The following CYP2J2 variants were observed in gnomAD, a reference collection of about 807,000 sequenced individuals.
CYP2J2 encodes cytochrome P450 2J2.
Under a neutral mutation model 48.8 loss-of-function variants are expected in CYP2J2, and 41 were observed. The ratio of observed to expected loss-of-function variants is 0.84; its 90% CI spans 0.66 to 1.09. CYP2J2 has a LOEUF of 1.09. Among genes scored for constraint, CYP2J2 ranks in the 50% least tolerant of loss-of-function variants. The pLI, the probability that CYP2J2 is intolerant of heterozygous loss-of-function variation, is 0.00. For synonymous variants in CYP2J2, 221 were observed against 227.1 expected (o/e 0.97, Z 0.24); for missense variants, 644 against 617.3 (o/e 1.04, Z -0.46).
the CYP2J2 span, among the ~76,000 whole-genome samples, chr1:59,947,871 C>A: frequency 6.6e-6 from 1 of 151,760 alleles, no homozygotes; most frequent in Non-Finnish European, 1.5e-5. Flanking sequence ...GCATCCCTTT[C>A]TACTGGAAGA....
intron 7 of CYP2J2, among the ~76,000 whole-genome samples, chr1:59,902,747 A>T (rs1383382440): frequency 6.6e-6 from 1 of 152,182 alleles, no homozygotes; most frequent in Non-Finnish European, 1.5e-5. Flanking sequence ...TTCTGTACTA[A>T]GTACTGGGTT....
the CYP2J2 span, among the ~76,000 whole-genome samples, chr1:59,968,380 C>T: frequency 1.3e-5 from 2 of 152,088 alleles, no homozygotes; most frequent in African/African-American, 4.8e-5. Flanking sequence ...AACAGCCCAC[C>T]ATTCCCCTCT....
the CYP2J2 span, among the ~76,000 whole-genome samples, chr1:59,955,902 G>A: frequency 3.3e-5 from 5 of 152,136 alleles, no homozygotes; most frequent in Non-Finnish European, 7.4e-5. Flanking sequence ...TCAAGTGTGT[G>A]TGTATGTGTG....
the CYP2J2 span, among the ~76,000 whole-genome samples, chr1:59,937,702 A>AT: frequency 6.6e-6 from 1 of 151,778 alleles, no homozygotes; most frequent in Non-Finnish European, 1.5e-5. Flanking sequence ...TAACTCTTAG[A>AT]TTTGCCCTTT....
intron 1 of CYP2J2, among the ~76,000 whole-genome samples, chr1:59,920,115 T>C (rs1644501127): frequency 6.6e-6 from 1 of 151,802 alleles, no homozygotes; most frequent in African/African-American, 2.4e-5. Context: ...AAAAATATCT[T>C]TTTAAAGAGT....
intron 1 of CYP2J2, among the ~76,000 whole-genome samples, chr1:59,918,574 C>T: frequency 6.6e-6 from 1 of 151,866 alleles, no homozygotes; most frequent in Non-Finnish European, 1.5e-5. Flanking sequence ...GTCATTTTAT[C>T]CATTTCTTTA....
intron 2 of CYP2J2, among the ~76,000 whole-genome samples, chr1:59,914,106 C>A (rs1644443369): frequency 6.6e-6 from 1 of 152,188 alleles, no homozygotes. Flanking sequence ...TTCTGCATCC[C>A]AGGACTGCAT....
chr1:59,894,189 A>G (rs1038423045), intron 8 of CYP2J2, among the ~76,000 whole-genome samples: 1 of 152,192 alleles, frequency 6.6e-6, no homozygotes, highest in African/African-American at 2.4e-5. Flanking sequence ...AAAAGACAAC[A>G]AAAACAACCA....
chr1:59,931,354 C>T (rs1574267139), upstream of CYP2J2, among the ~76,000 whole-genome samples: 2 of 152,194 alleles, frequency 1.3e-5, no homozygotes, highest in South Asian at 2.1e-4. Flanking sequence ...CCCATATTAT[C>T]ATTAGTTTTT....
At chr1:59,924,858 A>C in intron 1 of CYP2J2, among the ~76,000 whole-genome samples, 1 of 151,988 alleles carries the variant, frequency 6.6e-6, no homozygotes, top group Non-Finnish European at 1.5e-5. Flanking sequence ...ATTAAAAGAC[A>C]GAGATTGCCA....
intron 1 of CYP2J2, among the ~76,000 whole-genome samples, chr1:59,922,185 A>G (rs1644522748): frequency 6.6e-6 from 1 of 152,180 alleles, no homozygotes; most frequent in Non-Finnish European, 1.5e-5. Flanking sequence ...CAGATCCCAC[A>G]ATAGGTATAC....
At chr1:59,935,021 T>TATATATATATATATATATAC in the CYP2J2 span, among the ~76,000 whole-genome samples, 15 of 48,132 alleles carry the variant, frequency 3.1e-4, no homozygotes, top group Non-Finnish European at 5.7e-4. Flanking sequence ...TATACATATA[T>TATATATATATATATATATAC]ATATATATAT....
At chr1:59,902,940 C>T (rs543552684) in intron 7 of CYP2J2, among the ~76,000 whole-genome samples, 2 of 152,260 alleles carry the variant, frequency 1.3e-5, no homozygotes, top group Middle Eastern at 3.4e-3. Flanking sequence ...AGTCATAGCT[C>T]GTAGACTGTG....
Position 59,901,040 on chromosome 1 carries a change from C to A in CYP2J2, c.1255G>T (p.Asp419Tyr). The change falls in exon 8 of 9, where the codon GAC becomes TAC. Residue 419 changes from aspartate to tyrosine, a missense_variant. Asp to Tyr is a radical substitution (Grantham distance 160, BLOSUM62 -3). Coordinates refer to ENST00000371204, the MANE Select transcript of CYP2J2 (RefSeq NM_000775.4). ...AGAAAATGGTCCGGATTGAATGTGT[C>A]AGGGGTGGCCCACTCTGTGGGGTCC... ...HRDPTEWATPDTFNPDHFLEN... is the reference protein window; with the variant it reads ...HRDPTEWATPYTFNPDHFLEN... 1.2e-6 allele frequency: 2 copies of A among 1,614,162 alleles called. No individual in the cohort carries two copies. Among genetic ancestry groups the A allele is most frequent in the Non-Finnish European group, 1.7e-6 (2 of 1,179,998 alleles).
At chr1:59,919,316 G>A (rs563124609) in intron 1 of CYP2J2, among the ~76,000 whole-genome samples, 15 of 152,254 alleles carry the variant, frequency 9.9e-5, no homozygotes, top group East Asian at 7.7e-4. Flanking sequence ...CATTGATAAC[G>A]TGGAATTTCT....
At position 59,926,761 on chromosome 1, in the gene CYP2J2, C is replaced by G; in HGVS notation, c.-15G>C. ...GCCGCGAGCATGGCTCAGACGTCCT[C>G]CTGCTCTTCTGCGGTCCAAGCAGGC... On this transcript the variant is annotated 5_prime_UTR_variant, in exon 1 of 9. Coordinates refer to ENST00000371204, the MANE Select transcript of CYP2J2 (RefSeq NM_000775.4). 5 of 1,604,948 alleles carry G rather than the reference C, an allele frequency of 3.1e-6. No individual in the cohort carries two copies. Among genetic ancestry groups the G allele is most frequent in the Non-Finnish European group, 4.3e-6 (5 of 1,175,306 alleles).
the CYP2J2 span, among the ~76,000 whole-genome samples, chr1:59,950,228 TG>T: frequency 1.3e-5 from 2 of 152,192 alleles, no homozygotes; most frequent in Non-Finnish European, 2.9e-5. Context: ...TTGGTAGGTA[TG>T]ACGGAAGGAG....
At chr1:59,957,390 T>A in the CYP2J2 span, among the ~76,000 whole-genome samples, 1 of 152,180 alleles carries the variant, frequency 6.6e-6, no homozygotes, top group Non-Finnish European at 1.5e-5. Flanking sequence ...CAAGTCATCC[T>A]ATTTCCTTTG....
chr1:59,959,306 C>A, the CYP2J2 span, among the ~76,000 whole-genome samples: 1 of 152,132 alleles, frequency 6.6e-6, no homozygotes. Context: ...TATAGTCCCA[C>A]CTTCTCCACC....
Sources: allele counts gnomAD v4.1 joint callset (sites outside exome capture counted in the v4.1 genomes callset), GRCh38; gene constraint gnomAD v4.1.1; transcripts MANE v1.5; gene names NCBI Gene and HGNC (gene_info 2026-07-23, HGNC 2026-07-21).